The following DOP1A variants were observed in gnomAD, a reference collection of about 807,000 sequenced individuals.
DOP1A encodes DOP1 leucine zipper like protein A, also known as protein DOP1A.
A neutral mutation model predicts 267.6 loss-of-function variants in DOP1A; 90 were observed. The ratio of observed to expected loss-of-function variants is 0.34; its 90% CI spans 0.28 to 0.40. The LOEUF (loss-of-function observed/expected upper bound fraction) is 0.40. Ranked by LOEUF, DOP1A falls within the 10% of genes least tolerant of loss-of-function variation. The pLI is 1.00. For missense variants in DOP1A, 2,437 were observed against 2,900.4 expected (o/e 0.84, Z 3.67); for synonymous variants, 932 against 999.1 (o/e 0.93, Z 1.27).
Position 83,153,999 on chromosome 6 carries a change from T to A in DOP1A, c.6345T>A (p.Phe2115Leu). Residue 2115 changes from phenylalanine (F) to leucine (L), a missense_variant, in exon 32 of 39, where the codon TTT becomes TTA. Phe to Leu is a conservative substitution (Grantham distance 22). Transcript: ENST00000349129. The part of the protein sequence containing the change: ...RAWKKEAFDL[F>L]MDPSFFQMDA... The stretch of plus-strand genomic sequence containing the variant: ...GGAAAAAAGAAGCTTTTGACCTCTT[T>A]ATGGATCCCAGTTTCTTTCAGATGG... The A allele has an allele frequency of 6.2e-7, 1 of 1,614,128 alleles. No homozygotes were observed. Among genetic ancestry groups the A allele is most frequent in the Non-Finnish European group, 8.5e-7 (1 of 1,180,002 alleles).
chr6:83,093,120 T>C (rs571604520), intron 1 of DOP1A, among the ~76,000 whole-genome samples: 4 of 152,202 alleles, frequency 2.6e-5, no homozygotes, highest in Non-Finnish European at 5.9e-5. Flanking sequence ...AAATAAACTA[T>C]CTTATTTTGT....
chr6:83,109,214 G>A, intron 5 of DOP1A, 134 bp downstream of exon 5: 2 of 726,964 alleles, frequency 2.8e-6, no homozygotes. Flanking sequence ...TATTTCTATA[G>A]CAATGAAACA....
intron 4 of DOP1A, 27 bp downstream of exon 4, chr6:83,100,913 C>T: frequency 7.7e-7 from 1 of 1,295,668 alleles, no homozygotes; most frequent in Non-Finnish European, 1.0e-6. Context: ...TATATATATA[C>T]AAATAATATA....
At chr6:83,112,693 G>A (rs1041553727) in intron 6 of DOP1A, among the ~76,000 whole-genome samples, 2 of 152,130 alleles carry the variant, frequency 1.3e-5, no homozygotes, top group Non-Finnish European at 2.9e-5. Flanking sequence ...TCCAACTCCT[G>A]ACCAAGTGAT....
intron 4 of DOP1A, among the ~76,000 whole-genome samples, chr6:83,108,092 T>C (rs1176222580): frequency 6.6e-6 from 1 of 152,212 alleles, no homozygotes; most frequent in Non-Finnish European, 1.5e-5. Flanking sequence ...CTGGTGGAGA[T>C]ACAATTTGTT....
chr6:83,078,805 TTATTC>T (rs1440352044), intron 1 of DOP1A, among the ~76,000 whole-genome samples: 1 of 152,216 alleles, frequency 6.6e-6, no homozygotes, highest in East Asian at 1.9e-4. Context: ...ATTTTGGTTC[TTATTC>T]TATTACGTGC....
chr6:83,089,108 CTT>C, intron 1 of DOP1A, among the ~76,000 whole-genome samples: 1 of 152,278 alleles, frequency 6.6e-6, no homozygotes, highest in Non-Finnish European at 1.5e-5. Context: ...AATAATGAAT[CTT>C]TTCTCTTTTC....
chr6:83,168,252 T>C lies in DOP1A; in HGVS notation c.*85T>C. On this transcript the variant is annotated 3_prime_UTR_variant, in exon 39 of 39. Coordinates refer to ENST00000349129, the MANE Select transcript of DOP1A (RefSeq NM_015018.4). ...TGCTCTGCGTTGTATAGTTTTTCCT[T>C]TTTTGTATGTAACAGAACACATTTC... 1 of 1,472,892 alleles carries C rather than the reference T, an allele frequency of 6.8e-7. No homozygotes were observed. Among genetic ancestry groups the C allele is most frequent in the Non-Finnish European group, 8.9e-7 (1 of 1,119,716 alleles). The allele number at this position is 1,472,892 out of a possible 1,614,324, so 91.2% of individuals were successfully genotyped here.
chr6:83,162,174 C>G (rs1399127924), intron 37 of DOP1A, among the ~76,000 whole-genome samples: 2 of 152,030 alleles, frequency 1.3e-5, no homozygotes, highest in African/African-American at 4.8e-5. Context: ...TTGATGAATC[C>G]TATGCGGGGA....
chr6:83,166,486 T>C (rs781776506), intron 38 of DOP1A: 1 of 698,240 alleles, frequency 1.4e-6, no homozygotes, highest in South Asian at 1.5e-5. Context: ...ACTCAGAAAA[T>C]CGCTAAATTT....
In DOP1A at chr6:83,167,873, G is replaced by A. The variant is rs1047126668; in HGVS notation, c.7104G>A (p.Glu2368=). ...LLRKRAKKNP[E]EDNSGRTLGW... is the part of the protein sequence containing the mutation. ...TTTGTTTTCTGCAGAAAAATCCAGA[G>A]GAAGACAACTCAGGGAGAACATTGG... The change falls in exon 39 of 39, where the codon GAG becomes GAA. Residue 2368 remains glutamate (E), a synonymous_variant. Coordinates refer to ENST00000349129, the MANE Select transcript of DOP1A (RefSeq NM_015018.4). 1 of 1,606,626 alleles carries A rather than the reference G, an allele frequency of 6.2e-7. No homozygotes were observed.
chr6:83,095,345 A>G (rs1416120601), intron 1 of DOP1A, among the ~76,000 whole-genome samples: 1 of 152,172 alleles, frequency 6.6e-6, no homozygotes, highest in Non-Finnish European at 1.5e-5. Flanking sequence ...TCTCTGATCT[A>G]TTTTAAAGTA....
chr6:83,153,643 T>C, intron 31 of DOP1A, 23 bp downstream of exon 31: 2 of 1,521,042 alleles, frequency 1.3e-6, no homozygotes, highest in Non-Finnish European at 1.8e-6. Flanking sequence ...TTTAAATAGT[T>C]TTTAAAATTA....
chr6:83,158,248 A>G (rs559415817), intron 35 of DOP1A, among the ~76,000 whole-genome samples: 15 of 152,136 alleles, frequency 9.9e-5, no homozygotes, highest in East Asian at 5.8e-4. Flanking sequence ...TGATCTGCCC[A>G]CCTCGACCTC....
rs1445689193 is a variant in DOP1A at position 83,142,162 on chromosome 6, C to CT, written c.5541+117dup. ...GTAGATTCGAGTGTAAAGCAAAAGT[C>CT]TGTCGACAGCTTTAGATAAATTGTT... On this transcript the variant is annotated intron_variant, in intron 24 of 38. Transcript: ENST00000349129. 6 of 1,243,344 alleles carry CT rather than the reference C, an allele frequency of 4.8e-6. No individual in the cohort carries two copies. The Admixed American group carries it at 1.5e-4, about 31-fold the overall frequency. The allele number at this position is 1,243,344 out of a possible 1,614,324, so 77.0% of individuals were successfully genotyped here. A position where few individuals can be genotyped will look rare whatever the true frequency, so the allele number is the denominator to read the frequency against.
intron 38 of DOP1A, among the ~76,000 whole-genome samples, chr6:83,163,983 G>A (rs1784831527): frequency 2.6e-5 from 4 of 151,334 alleles, no homozygotes; most frequent in Admixed American, 2.0e-4. Flanking sequence ...CAATGAAACT[G>A]GTATGCTCAC....
chr6:83,151,385 A>T (rs948160540), intron 27 of DOP1A, among the ~76,000 whole-genome samples: 3 of 152,146 alleles, frequency 2.0e-5, no homozygotes, highest in African/African-American at 7.2e-5. Flanking sequence ...TGGGGCTCTT[A>T]CAAAAGATGC....
chr6:83,130,030 A>C (rs1420266669), intron 16 of DOP1A, 93 bp from the exon 17 acceptor site: 3 of 1,485,206 alleles, frequency 2.0e-6, no homozygotes, highest in Non-Finnish European at 2.7e-6. Context: ...AGGCCTTAAA[A>C]GTATTTAGTG....
intron 23 of DOP1A, among the ~76,000 whole-genome samples, chr6:83,140,880 A>T (rs1943211444): frequency 6.6e-6 from 1 of 151,000 alleles, no homozygotes; most frequent in African/African-American, 2.4e-5. Flanking sequence ...TTTTTTTTTT[A>T]GGGCATTTTA....
Sources: gnomAD v4.1 joint callset for allele counts (sites outside exome capture counted in the v4.1 genomes callset) on GRCh38, gnomAD v4.1.1 for gene constraint, MANE v1.5 for transcripts, NCBI Gene and HGNC (gene_info 2026-07-23, HGNC 2026-07-21) for gene names.